The following INPP4B variants were observed in gnomAD, a reference collection of about 807,000 sequenced individuals.
The protein encoded by INPP4B is inositol polyphosphate-4-phosphatase type II B.
Under a neutral mutation model 122.5 loss-of-function variants are expected in INPP4B, and 55 were observed. The observed-to-expected ratio is 0.45, with a 90% CI of 0.36 to 0.56. The LOEUF (loss-of-function observed/expected upper bound fraction) is 0.56. INPP4B is among the 20% of genes least tolerant of loss of function. The pLI, the probability that INPP4B is intolerant of heterozygous loss-of-function variation, is 0.00. For missense variants in INPP4B, 1,000 were observed against 1,097.7 expected, an observed-to-expected ratio of 0.91 and a Z score of 1.26; for synonymous variants, 403 against 388.7, an observed-to-expected ratio of 1.04 and a Z score of -0.43.
intron 11 of INPP4B, among the ~76,000 whole-genome samples, chr4:142,255,598 C>T (rs539571033): frequency 9.9e-5 from 15 of 152,048 alleles, no homozygotes; most frequent in South Asian, 6.2e-4. Context: ...AGACCAAAAG[C>T]GACAAAGAAG....
chr4:142,614,043 A>C (rs1471623338), intron 2 of INPP4B, among the ~76,000 whole-genome samples: 1 of 152,200 alleles, frequency 6.6e-6, no homozygotes, highest in Non-Finnish European at 1.5e-5. Context: ...TAAGTTCTTA[A>C]TAGTAACTGA....
At chr4:142,809,833 GA>G (rs925360127) in intron 1 of INPP4B, among the ~76,000 whole-genome samples, 45 of 146,274 alleles carry the variant, frequency 3.1e-4, no homozygotes, top group Middle Eastern at 3.6e-3. Context: ...TCCTGTTTAA[GA>G]AAAAAAAAAA....
At chr4:142,832,066 T>C (rs924071410) in intron 1 of INPP4B, among the ~76,000 whole-genome samples, 1 of 152,134 alleles carries the variant, frequency 6.6e-6, no homozygotes, top group African/African-American at 2.4e-5. Context: ...TGTACAGTGG[T>C]TTTTCTACAT....
rs561399219 is a variant in INPP4B at position 142,605,133 on chromosome 4, C to T, written c.-191+120706G>A. Among the ~76,000 whole-genome samples the T allele has an allele frequency of 3.9e-5, 6 of 152,078 alleles. No individual in the cohort carries two copies. The East Asian group carries it at 5.8e-4, about 15-fold the overall frequency. On this transcript the variant is annotated intron_variant, in intron 2 of 25. Transcript: ENST00000262992. The stretch of plus-strand genomic sequence containing the variant: ...TGTATTTGGAGTCAACCTACCAAGA[C>T]TGACTCCAAATAAACAAAAATTGTG...
chr4:142,055,390 G>A (rs2152413913), intron 25 of INPP4B, among the ~76,000 whole-genome samples: 1 of 152,152 alleles, frequency 6.6e-6, no homozygotes, highest in South Asian at 2.1e-4. Flanking sequence ...CGCAGAATAA[G>A]CTATGGTAAA....
chr4:142,622,580 A>G (rs1288633581), intron 2 of INPP4B, among the ~76,000 whole-genome samples: 1 of 151,984 alleles, frequency 6.6e-6, no homozygotes, highest in Non-Finnish European at 1.5e-5. Context: ...AGAAAAAAAT[A>G]TCATGCGGGA....
At chr4:142,661,750 T>A (rs1421492610) in intron 2 of INPP4B, among the ~76,000 whole-genome samples, 1 of 152,176 alleles carries the variant, frequency 6.6e-6, no homozygotes, top group Non-Finnish European at 1.5e-5. Flanking sequence ...TAGGAAACAA[T>A]GAGAAAAGAC....
chr4:142,639,332 G>T (rs1455125248), intron 2 of INPP4B, among the ~76,000 whole-genome samples: 6 of 152,078 alleles, frequency 3.9e-5, no homozygotes, highest in Non-Finnish European at 2.9e-5. Context: ...GTAGAGAATT[G>T]ATATAATTTT....
At chr4:142,143,954 A>G (rs1809259319) in intron 18 of INPP4B, among the ~76,000 whole-genome samples, 2 of 152,188 alleles carry the variant, frequency 1.3e-5, no homozygotes, top group South Asian at 4.1e-4. Flanking sequence ...AGAATTGGTG[A>G]TGAGTGAAAT....
At chr4:142,264,192 G>C (rs1261590024) in intron 10 of INPP4B, among the ~76,000 whole-genome samples, 1 of 152,118 alleles carries the variant, frequency 6.6e-6, no homozygotes, top group Non-Finnish European at 1.5e-5. Context: ...GCAGATCAGG[G>C]AGAGAAAAGG....
intron 2 of INPP4B, among the ~76,000 whole-genome samples, chr4:142,661,179 T>G (rs1237991864): frequency 6.6e-6 from 1 of 152,162 alleles, no homozygotes; most frequent in Admixed American, 6.5e-5. Context: ...AACCCTATTT[T>G]GCTCACCCTT....
intron 11 of INPP4B, among the ~76,000 whole-genome samples, chr4:142,238,430 C>G (rs748054131): frequency 5.7e-4 from 87 of 152,096 alleles, no homozygotes; most frequent in Non-Finnish European, 7.2e-4. Flanking sequence ...ATACTTTGAA[C>G]AAATATATTT....
At chr4:142,468,486 T>C (rs1818227033) in intron 2 of INPP4B, among the ~76,000 whole-genome samples, 1 of 152,154 alleles carries the variant, frequency 6.6e-6, no homozygotes, top group South Asian at 2.1e-4. Flanking sequence ...TGAAATTTGA[T>C]CCCAAATGAT....
Position 142,475,019 on chromosome 4 carries a change from A to C in INPP4B, c.-190-12293T>G, listed in dbSNP as rs1437622392. Reference sequence around the variant, plus strand: ...TTGCTTCCGTCTGCACTCTGTGGGCAGGTGCAACCTTGTGATCTCCCAGGA... The same window carrying C: ...TTGCTTCCGTCTGCACTCTGTGGGCCGGTGCAACCTTGTGATCTCCCAGGA... On this transcript the variant is annotated intron_variant, in intron 2 of 25. Transcript: ENST00000262992. Among the ~76,000 whole-genome samples, 5 of 152,222 alleles carry C rather than the reference A, an allele frequency of 3.3e-5. No homozygotes were observed. In the East Asian group the frequency reaches 9.6e-4, roughly 29 times the overall value.
intron 1 of INPP4B, among the ~76,000 whole-genome samples, chr4:142,842,529 T>TTATAATATATACAATATCTATTATA (rs1783622754): frequency 7.1e-6 from 1 of 141,636 alleles, no homozygotes; most frequent in African/African-American, 2.6e-5. Context: ...ATATATTATA[T>TTATAATATATACAATATCTATTATA]TATAATATAT....
intron 2 of INPP4B, among the ~76,000 whole-genome samples, chr4:142,662,237 A>AAAAAAC (rs1211407510): frequency 5.9e-5 from 9 of 152,072 alleles, no homozygotes; most frequent in African/African-American, 2.2e-4. Context: ...TGCCTCAAAA[A>AAAAAAC]AAAAAACAAA....
Position 142,026,061 on chromosome 4 carries a change from G to T in INPP4B, c.*2721C>A, listed in dbSNP as rs946919818. 1.9e-4 allele frequency: 28 copies of T among 148,340 alleles called. No individual in the cohort carries two copies. The highest frequency in any genetic ancestry group is 6.1e-4 in the African/African-American group (25 of 40,846). The allele number at this position is 148,340 out of a possible 1,614,324, so 9.2% of individuals were successfully genotyped here. On this transcript the variant is annotated 3_prime_UTR_variant, in exon 26 of 26. Transcript: ENST00000262992. The stretch of plus-strand genomic sequence containing the variant: ...TCAAAGGGGAACATATTATTTTTGA[G>T]CAAAAAAAGAGTTTGGAAATGTCAT...
chr4:142,028,204 TCA>T lies in INPP4B; in HGVS notation c.*576_*577del, dbSNP rs1737625617. On this transcript the variant is annotated 3_prime_UTR_variant, in exon 26 of 26. Coordinates refer to ENST00000262992, the MANE Select transcript of INPP4B (RefSeq NM_001101669.3). Reference sequence around the variant, plus strand: ...GCATATGCCTGTTGCAAGGGAGGAGTCACACCTTGACTGGATGATAGAGATCA... The same window carrying T: ...GCATATGCCTGTTGCAAGGGAGGAGTCACCTTGACTGGATGATAGAGATCA... 1 of 228,222 alleles carries T rather than the reference TCA, an allele frequency of 4.4e-6. No individual in the cohort carries two copies. Among genetic ancestry groups the T allele is most frequent in the African/African-American group, 2.2e-5 (1 of 45,036 alleles). The allele number at this position is 228,222 out of a possible 1,614,324, so 14.1% of individuals were successfully genotyped here.
intron 7 of INPP4B, among the ~76,000 whole-genome samples, chr4:142,355,241 A>G (rs760451153): frequency 1.2e-4 from 18 of 152,048 alleles, no homozygotes; most frequent in Non-Finnish European, 2.2e-4. Context: ...AGTTTCAAAG[A>G]GTGGGAAAAT....
Sources: allele counts gnomAD v4.1 joint callset (sites outside exome capture counted in the v4.1 genomes callset), GRCh38; gene constraint gnomAD v4.1.1; transcripts MANE v1.5; gene names NCBI Gene and HGNC (gene_info 2026-07-23, HGNC 2026-07-21).